The following NXPH1 variants were observed in gnomAD, a reference collection of about 807,000 sequenced individuals.
NXPH1 encodes neurexophilin 1.
In NXPH1, 5 loss-of-function variants were observed where a neutral mutation model predicts 23.7. The observed-to-expected ratio is 0.21, with a 90% CI of 0.11 to 0.44. NXPH1 has a LOEUF of 0.44. Among genes scored for constraint, NXPH1 ranks in the 20% least tolerant of loss-of-function variants. The pLI is 0.99. For synonymous variants in NXPH1, 144 were observed against 122.2 expected (o/e 1.18, Z -1.18); for missense variants, 324 against 321.6 (o/e 1.01, Z -0.06).
At chr7:8,743,872 G>A (rs1161005868) in intron 2 of NXPH1, among the ~76,000 whole-genome samples, 1 of 151,876 alleles carries the variant, frequency 6.6e-6, no homozygotes, top group Non-Finnish European at 1.5e-5. Flanking sequence ...TTTCAGTAGA[G>A]ACGGGGTTTC....
intron 2 of NXPH1, among the ~76,000 whole-genome samples, chr7:8,562,229 A>T (rs577216693): frequency 1.3e-5 from 2 of 151,834 alleles, no homozygotes; most frequent in Non-Finnish European, 3.0e-5. Flanking sequence ...CTCCCAAGAG[A>T]TTGAAGAGGC....
At chr7:8,440,040 G>C (rs968231355) in intron 2 of NXPH1, among the ~76,000 whole-genome samples, 2 of 152,186 alleles carry the variant, frequency 1.3e-5, no homozygotes, top group African/African-American at 4.8e-5. Flanking sequence ...AGTACTAAAA[G>C]TTTCTCATTC....
intron 2 of NXPH1, among the ~76,000 whole-genome samples, chr7:8,702,646 G>A (rs1278029972): frequency 6.6e-6 from 1 of 152,044 alleles, no homozygotes; most frequent in African/African-American, 2.4e-5. Flanking sequence ...GACAATAATG[G>A]TGAGACAAAC....
rs10234689 is a variant in NXPH1 at position 8,601,668 on chromosome 7, A to G, written c.55-149340A>G. ...GGTACATCTACTCATCATGGAATAG[A>G]TCATGTCAGGACCCAATTCCCTAAA... On this transcript the variant is annotated intron_variant, in intron 2 of 2. Coordinates refer to ENST00000405863, the MANE Select transcript of NXPH1 (RefSeq NM_152745.3). Among the ~76,000 whole-genome samples, 705 of 152,318 alleles carry G rather than the reference A, an allele frequency of 4.6e-3. 5 individuals are homozygous for G. The highest frequency in any genetic ancestry group is 0.016 in the African/African-American group (676 of 41,586).
At chr7:8,531,012 A>G (rs1425001137) in intron 2 of NXPH1, among the ~76,000 whole-genome samples, 1 of 152,176 alleles carries the variant, frequency 6.6e-6, no homozygotes, top group Non-Finnish European at 1.5e-5. Flanking sequence ...GTTGTAGTTT[A>G]AGGAGAACTA....
At chr7:8,701,341 C>A (rs1171921968) in intron 2 of NXPH1, among the ~76,000 whole-genome samples, 1 of 151,998 alleles carries the variant, frequency 6.6e-6, no homozygotes, top group Non-Finnish European at 1.5e-5. Flanking sequence ...AACTCCTTAG[C>A]ACTGTAACAA....
At chr7:8,528,951 G>C (rs1045594339) in intron 2 of NXPH1, among the ~76,000 whole-genome samples, 1 of 152,230 alleles carries the variant, frequency 6.6e-6, no homozygotes, top group African/African-American at 2.4e-5. Context: ...GTACTCACCA[G>C]ACTCAATCAA....
In NXPH1 at chr7:8,559,407, C is replaced by T. The variant is rs149851614; in HGVS notation, c.54+123640C>T. Reference sequence around the variant, plus strand: ...CTTAAATTGGTAAGACATGCTTTTGCCTTAGGTGTTTTCATTAAAATTCAT... The same window carrying T: ...CTTAAATTGGTAAGACATGCTTTTGTCTTAGGTGTTTTCATTAAAATTCAT... On this transcript the variant is annotated intron_variant, in intron 2 of 2. Coordinates refer to ENST00000405863, the MANE Select transcript of NXPH1 (RefSeq NM_152745.3). Among the ~76,000 whole-genome samples the T allele has an allele frequency of 4.8e-3, 736 of 151,760 alleles. 8 individuals are homozygous for T. The highest frequency in any genetic ancestry group is 0.017 in the African/African-American group (703 of 41,484).
intron 2 of NXPH1, among the ~76,000 whole-genome samples, chr7:8,547,505 A>G (rs188404847): frequency 6.6e-6 from 1 of 151,486 alleles, no homozygotes; most frequent in East Asian, 2.0e-4. Context: ...TTTTAGATTC[A>G]GGTGGTACAG....
intron 2 of NXPH1, among the ~76,000 whole-genome samples, chr7:8,483,571 A>G (rs1817109561): frequency 6.6e-6 from 1 of 152,080 alleles, no homozygotes; most frequent in Admixed American, 6.6e-5. Flanking sequence ...AGCCTCCCAA[A>G]CGGCTGGGAT....
At chr7:8,692,165 G>A (rs1821231618) in intron 2 of NXPH1, among the ~76,000 whole-genome samples, 1 of 151,800 alleles carries the variant, frequency 6.6e-6, no homozygotes, top group African/African-American at 2.4e-5. Flanking sequence ...TGTAAACCAG[G>A]ATAAAGAGTT....
At chr7:8,710,939 G>A (rs1175959285) in intron 2 of NXPH1, among the ~76,000 whole-genome samples, 1 of 114,964 alleles carries the variant, frequency 8.7e-6, no homozygotes, top group Non-Finnish European at 1.6e-5. Flanking sequence ...TGGGACTACA[G>A]GCGTGAGCCA....
At chr7:8,673,089 GA>G (rs2115171089) in intron 2 of NXPH1, among the ~76,000 whole-genome samples, 1 of 152,188 alleles carries the variant, frequency 6.6e-6, no homozygotes, top group Non-Finnish European at 1.5e-5. Context: ...GACAAATAAT[GA>G]ATTCTTAATA....
At chr7:8,522,844 A>G (rs1260953904) in intron 2 of NXPH1, among the ~76,000 whole-genome samples, 4 of 152,084 alleles carry the variant, frequency 2.6e-5, no homozygotes, top group African/African-American at 4.8e-5. Context: ...CTGAGTTCAA[A>G]GGCCTGCAGG....
At chr7:8,482,560 C>A (rs10244689) in intron 2 of NXPH1, among the ~76,000 whole-genome samples, 82,235 of 152,012 alleles carry the variant, frequency 0.54, 24,439 homozygotes, top group African/African-American at 0.79. Context: ...CTTTTTCTCT[C>A]TCTGGACTGT....
chr7:8,550,864 A>G (rs1356602621), intron 2 of NXPH1, among the ~76,000 whole-genome samples: 4 of 151,514 alleles, frequency 2.6e-5, no homozygotes, highest in Non-Finnish European at 5.9e-5. Context: ...TGCACATTGT[A>G]CCATAATTTA....
chr7:8,553,879 C>A (rs1190475559), intron 2 of NXPH1, among the ~76,000 whole-genome samples: 5 of 151,622 alleles, frequency 3.3e-5, no homozygotes, highest in Non-Finnish European at 7.4e-5. Context: ...TCACATAATT[C>A]TCTAATGAGT....
At position 8,487,968 on chromosome 7, in the gene NXPH1, G is replaced by T. The variant is rs561777407; in HGVS notation, c.54+52201G>T. Among the ~76,000 whole-genome samples the T allele has an allele frequency of 3.9e-5, 6 of 152,052 alleles. No individual in the cohort carries two copies. In the South Asian group the frequency reaches 1.0e-3, roughly 26 times the overall value. On this transcript the variant is annotated intron_variant, in intron 2 of 2. Coordinates refer to ENST00000405863, the MANE Select transcript of NXPH1 (RefSeq NM_152745.3). Reference sequence around the variant, plus strand: ...CGTATTAAAGAGTTAAATTATAAAAGGCCATTACAAGGCTTACAAAGGTCA... The same window carrying T: ...CGTATTAAAGAGTTAAATTATAAAATGCCATTACAAGGCTTACAAAGGTCA...
At chr7:8,624,003 A>C (rs1218266511) in intron 2 of NXPH1, among the ~76,000 whole-genome samples, 1 of 152,068 alleles carries the variant, frequency 6.6e-6, no homozygotes, top group Non-Finnish European at 1.5e-5. Flanking sequence ...TATTCTTATA[A>C]TTTTTTGGTG....
Sources: gnomAD v4.1 joint callset for allele counts (sites outside exome capture counted in the v4.1 genomes callset) on GRCh38, gnomAD v4.1.1 for gene constraint, MANE v1.5 for transcripts, NCBI Gene and HGNC (gene_info 2026-07-23, HGNC 2026-07-21) for gene names.